KCNMA1: variants seen among roughly 807,000 people sequenced by gnomAD.
KCNMA1 encodes potassium calcium-activated channel subfamily M alpha 1.
Under a neutral mutation model 140.0 loss-of-function variants are expected in KCNMA1, and 29 were observed. The ratio of observed to expected loss-of-function variants is 0.21; its 90% CI spans 0.15 to 0.28. KCNMA1 has a LOEUF of 0.28. Ranked by LOEUF, KCNMA1 falls within the 10% of genes least tolerant of loss-of-function variation. The probability of loss-of-function intolerance (pLI) is 1.00; values close to 1 mark genes in which losing one functional copy is unlikely to be tolerated. For missense variants in KCNMA1, 880 were observed against 1,602.2 expected (o/e 0.55, Z 7.70); for synonymous variants, 612 against 611.9 (o/e 1.00, Z 0.00).
intron 3 of KCNMA1, among the ~76,000 whole-genome samples, chr10:77,200,093 G>A (rs2041977834): frequency 6.6e-6 from 1 of 152,148 alleles, no homozygotes; most frequent in African/African-American, 2.4e-5. Context: ...TGGGACTACA[G>A]GCGCCTGCCA....
At chr10:76,965,503 C>T (rs1402352869) in intron 20 of KCNMA1, among the ~76,000 whole-genome samples, 1 of 152,166 alleles carries the variant, frequency 6.6e-6, no homozygotes, top group East Asian at 1.9e-4. Context: ...TAGGTTACCG[C>T]CTCCTCGAAA....
intron 20 of KCNMA1, among the ~76,000 whole-genome samples, chr10:76,968,254 T>TA (rs1311159489): frequency 6.6e-6 from 1 of 152,076 alleles, no homozygotes. Flanking sequence ...GGCTACGACT[T>TA]AAAAAAGCCT....
intron 1 of KCNMA1, among the ~76,000 whole-genome samples, chr10:77,513,317 G>C (rs911040280): frequency 1.3e-5 from 2 of 152,174 alleles, no homozygotes; most frequent in African/African-American, 4.8e-5. Flanking sequence ...TCCTCGGAGA[G>C]GCTTTTCCCA....
intron 1 of KCNMA1, among the ~76,000 whole-genome samples, chr10:77,523,155 T>A (rs1304801527): frequency 6.6e-6 from 1 of 151,114 alleles, no homozygotes; most frequent in Non-Finnish European, 1.5e-5. Context: ...ACTTCTAGAC[T>A]GGGACATCCT....
intron 3 of KCNMA1, among the ~76,000 whole-genome samples, chr10:77,230,699 A>G (rs574220434): frequency 2.6e-4 from 39 of 152,142 alleles, no homozygotes; most frequent in Admixed American, 2.1e-3. Flanking sequence ...TGAGAGAAAT[A>G]ATTCTTTCTC....
chr10:77,207,365 A>G (rs2044488415), intron 3 of KCNMA1, among the ~76,000 whole-genome samples: 1 of 152,222 alleles, frequency 6.6e-6, no homozygotes, highest in Non-Finnish European at 1.5e-5. Context: ...CAGGGGTTCA[A>G]ACTCTAGTTC....
At chr10:77,437,893 G>A (rs368970915) in intron 1 of KCNMA1, among the ~76,000 whole-genome samples, 2 of 152,162 alleles carry the variant, frequency 1.3e-5, no homozygotes, top group Non-Finnish European at 2.9e-5. Context: ...TAAAGAGTTA[G>A]GCTGGGATCA....
chr10:77,090,788 G>T lies in KCNMA1; in HGVS notation c.1224-278C>A, dbSNP rs558849003. The T allele has an allele frequency of 1.2e-4, 65 of 526,566 alleles. 1 individual carries two copies. The South Asian group carries it at 1.4e-3, about 12-fold the overall frequency. 32.6% of individuals were successfully genotyped at this position (526,566 alleles called of 1,614,324 possible). The stretch of plus-strand genomic sequence containing the variant: ...CAACTGTTTGGCCAAGTGGTTTTAT[G>T]CATTTAACAATAAGTGACATTATGC... On this transcript the variant is annotated intron_variant, in intron 9 of 27. Coordinates refer to ENST00000286628, the MANE Select transcript of KCNMA1 (RefSeq NM_001161352.2).
chr10:77,571,032 T>C (rs2247697), intron 1 of KCNMA1, among the ~76,000 whole-genome samples: 107,870 of 152,098 alleles, frequency 0.71, 39,073 homozygotes, highest in South Asian at 0.86. Flanking sequence ...TTGCTGAAGA[T>C]CTTCAGTTTC....
chr10:77,226,440 C>A (rs1048790448), intron 3 of KCNMA1, among the ~76,000 whole-genome samples: 1 of 151,910 alleles, frequency 6.6e-6, no homozygotes, highest in Non-Finnish European at 1.5e-5. Context: ...TCTGTCTTCA[C>A]TGGGAGACGT....
intron 2 of KCNMA1, among the ~76,000 whole-genome samples, chr10:77,347,903 A>G (rs1195861169): frequency 6.6e-6 from 1 of 152,246 alleles, no homozygotes; most frequent in East Asian, 1.9e-4. Flanking sequence ...CCTGTGAAGT[A>G]GATGCTTTTT....
At chr10:76,963,990 C>T (rs1333431869) in intron 20 of KCNMA1, among the ~76,000 whole-genome samples, 2 of 152,054 alleles carry the variant, frequency 1.3e-5, no homozygotes, top group Non-Finnish European at 1.5e-5. Flanking sequence ...ACTGGATCTG[C>T]CTCATTCTTG....
chr10:77,027,167 C>T (rs1391788051), intron 16 of KCNMA1, among the ~76,000 whole-genome samples: 2 of 152,200 alleles, frequency 1.3e-5, no homozygotes, highest in African/African-American at 2.4e-5. Context: ...CGATGCTTCC[C>T]ACCTCCAGTG....
chr10:77,338,327 A>G (rs1277668318), intron 2 of KCNMA1, among the ~76,000 whole-genome samples: 1 of 119,720 alleles, frequency 8.4e-6, no homozygotes, highest in Non-Finnish European at 1.7e-5. Context: ...GGTGCTAAGT[A>G]TAGCTGGGTT....
chr10:76,972,132 G>A (rs1253436607), intron 19 of KCNMA1, among the ~76,000 whole-genome samples: 1 of 152,208 alleles, frequency 6.6e-6, no homozygotes, highest in African/African-American at 2.4e-5. Context: ...ACCTAGACTG[G>A]TTGTGTAGCA....
At chr10:77,382,959 CGTGTGTGTGTGT>C (rs57049025) in intron 2 of KCNMA1, among the ~76,000 whole-genome samples, 16 of 76,990 alleles carry the variant, frequency 2.1e-4, no homozygotes, top group African/African-American at 5.6e-4. Flanking sequence ...CATATATATA[CGTGTGTGTGTGT>C]GTGTGTGTGT....
At chr10:77,588,184 G>A (rs192171855) in intron 1 of KCNMA1, among the ~76,000 whole-genome samples, 13 of 152,180 alleles carry the variant, frequency 8.5e-5, no homozygotes, top group African/African-American at 2.9e-4. Flanking sequence ...AGTCACTCCT[G>A]TTGGCCGAGG....
chr10:77,373,936 G>A (rs1169986812), intron 2 of KCNMA1: 1 of 152,248 alleles, frequency 6.6e-6, no homozygotes, highest in South Asian at 2.1e-4. Flanking sequence ...GACACCAGAA[G>A]ACAAAGGAGG....
intron 2 of KCNMA1, among the ~76,000 whole-genome samples, chr10:77,388,225 G>T (rs1365344596): frequency 6.6e-6 from 1 of 152,186 alleles, no homozygotes; most frequent in African/African-American, 2.4e-5. Flanking sequence ...AATAAGAACT[G>T]GTATGAAGGC....
Sources: gnomAD v4.1 joint callset for allele counts (sites outside exome capture counted in the v4.1 genomes callset) on GRCh38, gnomAD v4.1.1 for gene constraint, MANE v1.5 for transcripts, NCBI Gene and HGNC (gene_info 2026-07-23, HGNC 2026-07-21) for gene names.